Variants in PDCD11 observed in about 807,000 individuals in gnomAD.
The protein encoded by PDCD11 is protein RRP5 homolog.
Under a neutral mutation model 198.9 loss-of-function variants are expected in PDCD11, and 97 were observed. The observed-to-expected ratio is 0.49, with a 90% CI of 0.41 to 0.58. The LOEUF (loss-of-function observed/expected upper bound fraction) is 0.58, where lower values mean the gene tolerates loss of function less well. Ranked by LOEUF, PDCD11 falls within the 20% of genes least tolerant of loss-of-function variation. The pLI, the probability that PDCD11 is intolerant of heterozygous loss-of-function variation, is 0.00. For synonymous variants in PDCD11, 893 were observed against 918.0 expected (o/e 0.97, Z 0.49); for missense variants, 2,102 against 2,312.7 (o/e 0.91, Z 1.87).
chr10:103,415,874 C>T (rs964477239), intron 12 of PDCD11, among the ~76,000 whole-genome samples: 1 of 152,126 alleles, frequency 6.6e-6, no homozygotes, highest in Non-Finnish European at 1.5e-5. Flanking sequence ...TTGTGAAGAT[C>T]CAACATGATG....
At chr10:103,440,634 C>T in intron 29 of PDCD11, 53 bp downstream of exon 29, 15 of 1,610,424 alleles carry the variant, frequency 9.3e-6, no homozygotes, top group Non-Finnish European at 1.3e-5. Context: ...GAGGGACAGC[C>T]ATGAGGGCGT....
intron 7 of PDCD11, among the ~76,000 whole-genome samples, chr10:103,408,765 C>T (rs1291712143): frequency 1.3e-5 from 2 of 152,088 alleles, no homozygotes; most frequent in East Asian, 3.9e-4. Context: ...GTCTCAAACT[C>T]CTGAGCTCAG....
rs772311046 is a variant in PDCD11 at position 103,423,079 on chromosome 10, A to G, written c.2589A>G (p.Val863=). The G allele has an allele frequency of 4.4e-6, 7 of 1,605,974 alleles. No homozygotes were observed. In the South Asian group the frequency reaches 7.8e-5, roughly 18 times the overall value. Residue 863 remains valine, a synonymous_variant, in exon 18 of 36, where the codon GTA becomes GTG. Coordinates refer to ENST00000369797, the MANE Select transcript of PDCD11 (RefSeq NM_014976.2). ...VQEVLEDGSV[V]FSGGPVPDLV... Reference sequence around the variant, plus strand: ...AGGTGTTGGAAGATGGCTCTGTGGTATTCAGTGGGGGTCCAGTGCCCGACC... The same window carrying G: ...AGGTGTTGGAAGATGGCTCTGTGGTGTTCAGTGGGGGTCCAGTGCCCGACC...
At chr10:103,406,504 C>A in intron 6 of PDCD11, 105 bp from the exon 7 acceptor site, 2 of 959,306 alleles carry the variant, frequency 2.1e-6, no homozygotes, top group Non-Finnish European at 1.6e-6. Context: ...CTGATGCTAA[C>A]TGGGCAGGTA....
At chr10:103,438,933 C>T (rs1479720292) in intron 27 of PDCD11, 125 bp downstream of exon 27, 2 of 922,860 alleles carry the variant, frequency 2.2e-6, no homozygotes, top group African/African-American at 1.7e-5. Context: ...GTTTATGAGT[C>T]CCCACTCATT....
In PDCD11 at chr10:103,421,457, C is replaced by A; in HGVS notation, c.2387C>A (p.Ser796Ter). Residue 796 changes from serine (S) to a stop codon, truncating the protein, a stop_gained, in exon 17 of 36, where the codon TCA becomes TAA. Transcript: ENST00000369797. LOFTEE classifies it high-confidence loss of function. ...GAGGAGAAGCAGCGGATGCTGCTGT[C>A]ACTGCGGCTGTCGGACTGTGGTCTG... ...VDEEKQRMLL[S>*]LRLSDCGLGD... 1 of 1,603,948 alleles carries A rather than the reference C, an allele frequency of 6.2e-7. No homozygotes were observed.
In PDCD11 at chr10:103,425,190, T is replaced by C. The variant is rs2133720537; in HGVS notation, c.2970T>C (p.Leu990=). The C allele has an allele frequency of 6.2e-7, 1 of 1,614,006 alleles. No homozygotes were observed. Among genetic ancestry groups the C allele is most frequent in the East Asian group, 2.2e-5 (1 of 44,868 alleles). The change falls in exon 20 of 36, where the codon CTT becomes CTC. Residue 990 remains leucine (L), a synonymous_variant. Transcript: ENST00000369797. ...CCACAGAACCAGGAGTGACTGGCCTTCTTTTGGCTGTGGAGGGGCCGGCTG... is the reference window on the plus strand; with the variant it reads ...CCACAGAACCAGGAGTGACTGGCCTCCTTTTGGCTGTGGAGGGGCCGGCTG... ...LKTTEPGVTG[L]LLAVEGPAAK...
chr10:103,409,879 A>G, intron 8 of PDCD11, 73 bp downstream of exon 8: 2 of 1,091,218 alleles, frequency 1.8e-6, no homozygotes, highest in South Asian at 1.2e-5. Flanking sequence ...ACAGCTAGCT[A>G]CAGGGAGGTC....
At chr10:103,421,600 A>C in intron 17 of PDCD11, 33 bp downstream of exon 17, 4 of 1,249,466 alleles carry the variant, frequency 3.2e-6, no homozygotes, top group Non-Finnish European at 4.5e-6. Context: ...GAGGTGGGCC[A>C]GGGGTGGGAG....
At chr10:103,417,332 C>T (rs1246955213) in intron 13 of PDCD11, among the ~76,000 whole-genome samples, 3 of 152,068 alleles carry the variant, frequency 2.0e-5, no homozygotes, top group South Asian at 2.1e-4. Context: ...CCGGCATACC[C>T]GGCTAATTTT....
At chr10:103,441,374 C>G (rs2032377427) in intron 30 of PDCD11, among the ~76,000 whole-genome samples, 1 of 152,172 alleles carries the variant, frequency 6.6e-6, no homozygotes, top group Non-Finnish European at 1.5e-5. Context: ...TCTCATGACT[C>G]AGCCTCCCGA....
chr10:103,415,264 T>C, intron 12 of PDCD11, 113 bp downstream of exon 12: 1 of 1,064,954 alleles, frequency 9.4e-7, no homozygotes, highest in South Asian at 1.4e-5. Context: ...GTAGTGTGTC[T>C]TGTGCTGTAC....
In PDCD11 at chr10:103,405,084, T is replaced by A; in HGVS notation, c.465T>A (p.Ser155Arg). 6.2e-7 allele frequency: 1 copy of A among 1,614,116 alleles called. No individual in the cohort carries two copies. Among genetic ancestry groups the A allele is most frequent in the Non-Finnish European group, 8.5e-7 (1 of 1,179,966 alleles). ...PGMLVRCVVS[S>R]LGITDRGKKS... ...TGCTGGTAAGATGTGTGGTGAGCAG[T>A]CTGGGCATCACAGACAGGGGCAAGA... Residue 155 changes from serine (S) to arginine (R), a missense_variant, in exon 5 of 36, where the codon AGT becomes AGA. Ser to Arg is a moderately radical substitution (Grantham distance 110). Coordinates refer to ENST00000369797, the MANE Select transcript of PDCD11 (RefSeq NM_014976.2).
At chr10:103,408,403 A>G (rs2030591371) in intron 7 of PDCD11, among the ~76,000 whole-genome samples, 1 of 152,138 alleles carries the variant, frequency 6.6e-6, no homozygotes, top group Non-Finnish European at 1.5e-5. Flanking sequence ...AGAGCCTCTC[A>G]ACTTTAACTT....
rs745591225 is a variant in PDCD11, at chr10:103,438,755, G to A, written c.3972G>A (p.Gly1324=). Residue 1324 remains glycine, a synonymous_variant, in exon 27 of 36, where the codon GGG becomes GGA. Transcript: ENST00000369797. ...ACTCCATCCAGGACATTAAGGAAGG[G>A]CAGCTTCTGAGGGGCTATGTAGGGT... ...EINSIQDIKE[G]QLLRGYVGSI... is the part of the protein sequence containing the mutation. 2.5e-6 allele frequency: 4 copies of A among 1,614,038 alleles called. No individual in the cohort carries two copies. Among genetic ancestry groups the A allele is most frequent in the Admixed American group, 1.7e-5 (1 of 59,988 alleles).
In PDCD11 at chr10:103,433,756, G is replaced by C. The variant is rs2032032113; in HGVS notation, c.3475-192G>C. Among the ~76,000 whole-genome samples, 4 of 152,278 alleles carry C rather than the reference G, an allele frequency of 2.6e-5. No individual in the cohort carries two copies. The South Asian group carries it at 8.3e-4, about 32-fold the overall frequency. ...TGCACATTCTGCTAGGCTAGCAAAG[G>C]TTCTGAGCTGGAGTCTGAGGGAAGC... is the stretch of plus-strand genomic sequence containing the variant. On this transcript the variant is annotated intron_variant, in intron 22 of 35. Coordinates refer to ENST00000369797, the MANE Select transcript of PDCD11 (RefSeq NM_014976.2).
At chr10:103,434,665 G>C in intron 24 of PDCD11, 133 bp from the exon 25 acceptor site, 1 of 669,538 alleles carries the variant, frequency 1.5e-6, no homozygotes, top group Non-Finnish European at 2.5e-6. Flanking sequence ...CAGTCTAGAT[G>C]GTTCTGGATC....
Position 103,444,640 on chromosome 10 carries a change from A to C in PDCD11, c.5402A>C (p.Tyr1801Ser), listed in dbSNP as rs377470805. ...AAGCGCACAGATGTCTGGTCGGTCT[A>C]TATCGACATGACCATCAAGCACGGC... Reference protein sequence around the residue: ...YPKRTDVWSVYIDMTIKHGSQ... With the variant: ...YPKRTDVWSVSIDMTIKHGSQ... Residue 1801 changes from tyrosine (Y) to serine (S), a missense_variant, in exon 35 of 36, where the codon TAT (tyrosine) becomes TCT (serine). By Grantham distance (144) the Tyr-to-Ser change is moderately radical (BLOSUM62 -2). Transcript: ENST00000369797. The C allele has an allele frequency of 1.2e-6, 2 of 1,614,146 alleles. No homozygotes were observed. The highest frequency in any genetic ancestry group is 1.7e-6 in the Non-Finnish European group (2 of 1,180,040).
At chr10:103,433,490 C>CT (rs746998018) in intron 22 of PDCD11, among the ~76,000 whole-genome samples, 2 of 151,928 alleles carry the variant, frequency 1.3e-5, no homozygotes, top group East Asian at 1.9e-4. Context: ...GAGCGAGACT[C>CT]TGTCTCAAAA....
Sources: allele counts gnomAD v4.1 joint callset (sites outside exome capture counted in the v4.1 genomes callset), GRCh38; gene constraint gnomAD v4.1.1; transcripts MANE v1.5; gene names NCBI Gene and HGNC (gene_info 2026-07-23, HGNC 2026-07-21).